The following HPGDS variants were observed in gnomAD, a reference collection of about 807,000 sequenced individuals.
The protein encoded by HPGDS is GST class-sigma.
In HPGDS, 26 loss-of-function variants were observed where a neutral mutation model predicts 23.1. That is an observed-to-expected ratio of 1.13 (90% confidence interval 0.83 to 1.56). The LOEUF is 1.56. Among genes scored for constraint, HPGDS ranks in the 40% most tolerant of loss-of-function variants. HPGDS has a pLI of 0.00. For synonymous variants in HPGDS, 95 were observed against 77.9 expected, an observed-to-expected ratio of 1.22 and a Z score of -1.16; for missense variants, 268 against 236.4, an observed-to-expected ratio of 1.13 and a Z score of -0.88.
chr4:94,340,317 T>TCTTTCTTTCTTTCTTTC (rs1560598066), intron 1 of HPGDS, among the ~76,000 whole-genome samples: 2 of 16,508 alleles, frequency 1.2e-4, no homozygotes, highest in Non-Finnish European at 2.2e-4. Flanking sequence ...TTCTCTTTTT[T>TCTTTCTTTCTTTCTTTC]TTTTTTTTTT....
At chr4:94,330,556 A>C (rs1437703254) in intron 2 of HPGDS, among the ~76,000 whole-genome samples, 1 of 152,238 alleles carries the variant, frequency 6.6e-6, no homozygotes, top group Admixed American at 6.5e-5. Context: ...TATGAAAGCT[A>C]TAAGGAGACA....
intron 2 of HPGDS, among the ~76,000 whole-genome samples, chr4:94,331,051 G>A (rs1443701321): frequency 6.6e-6 from 1 of 152,176 alleles, no homozygotes; most frequent in African/African-American, 2.4e-5. Flanking sequence ...ACAGCCCAGA[G>A]TTTGCCTTAT....
At chr4:94,314,136 A>T (rs1253515640) in intron 3 of HPGDS, among the ~76,000 whole-genome samples, 1 of 152,074 alleles carries the variant, frequency 6.6e-6, no homozygotes, top group African/African-American at 2.4e-5. Flanking sequence ...TCTTCTCTCA[A>T]CTCATCAAAG....
chr4:94,314,555 G>T (rs371974961), intron 3 of HPGDS, among the ~76,000 whole-genome samples: 91 of 152,252 alleles, frequency 6.0e-4, no homozygotes, highest in Non-Finnish European at 1.1e-3. Context: ...CCCTACTCGG[G>T]GGTGCCTCCC....
chr4:94,318,685 A>C (rs956534227), intron 2 of HPGDS, among the ~76,000 whole-genome samples: 1 of 152,080 alleles, frequency 6.6e-6, no homozygotes, highest in African/African-American at 2.4e-5. Context: ...TGTGCTGCTA[A>C]GAAGAATGTG....
At chr4:94,336,424 T>G (rs971817989) in intron 1 of HPGDS, among the ~76,000 whole-genome samples, 2 of 152,170 alleles carry the variant, frequency 1.3e-5, no homozygotes, top group Non-Finnish European at 2.9e-5. Context: ...TTTCTGGCCC[T>G]GGCTTCTGTG....
intron 2 of HPGDS, among the ~76,000 whole-genome samples, chr4:94,332,700 T>C (rs552886506): frequency 1.3e-5 from 2 of 152,282 alleles, no homozygotes; most frequent in East Asian, 3.9e-4. Context: ...TCAAGAAAAA[T>C]TCTCCATCAA....
chr4:94,310,150 C>T (rs1756234062), intron 3 of HPGDS, among the ~76,000 whole-genome samples: 1 of 152,150 alleles, frequency 6.6e-6, no homozygotes, highest in Non-Finnish European at 1.5e-5. Flanking sequence ...TCCCATTTGT[C>T]AATTCTGGCT....
chr4:94,323,672 G>T (rs989355333), intron 2 of HPGDS, among the ~76,000 whole-genome samples: 1 of 152,042 alleles, frequency 6.6e-6, no homozygotes, highest in Non-Finnish European at 1.5e-5. Flanking sequence ...CACTTGAGAT[G>T]GGTCTCCTGA....
chr4:94,302,888 AT>A (rs1229939500), intron 4 of HPGDS, among the ~76,000 whole-genome samples: 1 of 151,996 alleles, frequency 6.6e-6, no homozygotes. Context: ...TAAAACATCC[AT>A]TTTTTTAATT....
intron 3 of HPGDS, among the ~76,000 whole-genome samples, chr4:94,315,258 G>A (rs1756373015): frequency 3.9e-5 from 6 of 152,160 alleles, no homozygotes; most frequent in Admixed American, 3.9e-4. Context: ...GACTGGAGCT[G>A]TTCCTATTCA....
intron 2 of HPGDS, among the ~76,000 whole-genome samples, chr4:94,324,848 T>G (rs1579443197): frequency 6.6e-6 from 1 of 152,324 alleles, no homozygotes; most frequent in East Asian, 1.9e-4. Flanking sequence ...GTTCTGATTT[T>G]TAGAATTTTC....
intron 4 of HPGDS, among the ~76,000 whole-genome samples, chr4:94,305,367 C>T (rs113374136): frequency 0.01 from 1,548 of 152,020 alleles, 19 homozygotes; most frequent in African/African-American, 0.035. Context: ...TATATATATA[C>T]GTGTGTGTGT....
intron 2 of HPGDS, among the ~76,000 whole-genome samples, chr4:94,333,968 T>C (rs1756779325): frequency 6.6e-6 from 1 of 152,364 alleles, no homozygotes; most frequent in Admixed American, 6.5e-5. Flanking sequence ...AGAAGAGGTC[T>C]CTGCTAAGAA....
At position 94,298,715 on chromosome 4, in the gene HPGDS, T is replaced by C. The variant is rs1027169442; in HGVS notation, c.*765A>G. 1 of 152,254 alleles carries C rather than the reference T, an allele frequency of 6.6e-6. No homozygotes were observed. Among genetic ancestry groups the C allele is most frequent in the Non-Finnish European group, 1.5e-5 (1 of 68,042 alleles). The allele number at this position is 152,254 out of a possible 1,614,324, so 9.4% of individuals were successfully genotyped here. Reference sequence around the variant, plus strand: ...CATTTTTCTCATCACAACAACTTTATTCATGTCAGTAAATTCATCTTTACA... The same window carrying C: ...CATTTTTCTCATCACAACAACTTTACTCATGTCAGTAAATTCATCTTTACA... On this transcript the variant is annotated 3_prime_UTR_variant, in exon 6 of 6. Coordinates refer to ENST00000295256, the MANE Select transcript of HPGDS (RefSeq NM_014485.3).
intron 1 of HPGDS, among the ~76,000 whole-genome samples, chr4:94,339,618 T>C (rs555008657): frequency 7.2e-5 from 11 of 152,356 alleles, no homozygotes; most frequent in African/African-American, 2.6e-4. Context: ...CATTAGGAAA[T>C]AAGCTCTTTT....
At chr4:94,325,895 G>C (rs184813597) in intron 2 of HPGDS, among the ~76,000 whole-genome samples, 1 of 151,898 alleles carries the variant, frequency 6.6e-6, no homozygotes, top group African/African-American at 2.4e-5. Context: ...GACTGGAGCT[G>C]TTCCTATTCA....
At position 94,302,143 on chromosome 4, in the gene HPGDS, C is replaced by T; in HGVS notation, c.435+3G>A. On this transcript the variant is annotated splice_donor_region_variant and intron_variant, in intron 5 of 5. Coordinates refer to ENST00000295256, the MANE Select transcript of HPGDS (RefSeq NM_014485.3). ...AATTTTTTAAGATATAAAACATACTCACAGAGTTACCAATAAGCCATTCTC... is the reference window on the plus strand; with the variant it reads ...AATTTTTTAAGATATAAAACATACTTACAGAGTTACCAATAAGCCATTCTC... 3 of 1,586,784 alleles carry T rather than the reference C, an allele frequency of 1.9e-6. No individual in the cohort carries two copies. The highest frequency in any genetic ancestry group is 1.7e-6 in the Non-Finnish European group (2 of 1,155,980).
At chr4:94,325,846 A>T (rs1037510339) in intron 2 of HPGDS, among the ~76,000 whole-genome samples, 5 of 152,124 alleles carry the variant, frequency 3.3e-5, no homozygotes, top group African/African-American at 1.2e-4. Flanking sequence ...GAAATGCAGA[A>T]ATCACCCATC....
Sources: allele counts gnomAD v4.1 joint callset (sites outside exome capture counted in the v4.1 genomes callset), GRCh38; gene constraint gnomAD v4.1.1; transcripts MANE v1.5; gene names NCBI Gene and HGNC (gene_info 2026-07-23, HGNC 2026-07-21).